Variants in TMEM135 observed in about 807,000 individuals in gnomAD.
TMEM135 encodes the protein transmembrane protein 135.
A neutral mutation model predicts 60.3 loss-of-function variants in TMEM135; 30 were observed. The ratio of observed to expected loss-of-function variants is 0.50; its 90% confidence interval spans 0.37 to 0.68. TMEM135 has a LOEUF of 0.68. TMEM135 is among the 30% of genes least tolerant of loss of function. The pLI, the probability that TMEM135 is intolerant of heterozygous loss-of-function variation, is 0.00. For synonymous variants in TMEM135, 190 were observed against 186.7 expected (o/e 1.02, Z -0.14); for missense variants, 468 against 548.8 (o/e 0.85, Z 1.47).
At chr11:87,154,404 A>G (rs979958306) in intron 4 of TMEM135, among the ~76,000 whole-genome samples, 7 of 152,220 alleles carry the variant, frequency 4.6e-5, no homozygotes, top group Non-Finnish European at 1.0e-4. Context: ...GGTTGCATCT[A>G]CATCTAGGCT....
chr11:87,157,575 G>T, intron 5 of TMEM135, 169 bp downstream of exon 5: 3 of 566,594 alleles, frequency 5.3e-6, no homozygotes, highest in African/African-American at 1.9e-5. Flanking sequence ...TCATAGTCAT[G>T]TTGGAACCAG....
In TMEM135 at chr11:87,322,475, G is replaced by T. The variant is rs1382538302; in HGVS notation, c.*1142G>T. ...CCTGCTGATAATGAGAGTAGTTCAG[G>T]ACAGCTGTGATTGAAATATGGTCGC... is the stretch of plus-strand genomic sequence containing the variant. On this transcript the variant is annotated 3_prime_UTR_variant, in exon 15 of 15. Transcript: ENST00000305494. 5 of 453,816 alleles carry T rather than the reference G, an allele frequency of 1.1e-5. No individual in the cohort carries two copies. The highest frequency in any genetic ancestry group is 2.4e-5 in the Admixed American group (1 of 42,526). The allele number at this position is 453,816 out of a possible 1,614,324, so 28.1% of individuals were successfully genotyped here. A position where few individuals can be genotyped will look rare whatever the true frequency, so the allele number is the denominator to read the frequency against.
intron 3 of TMEM135, among the ~76,000 whole-genome samples, chr11:87,076,125 G>A (rs1173322600): frequency 2.6e-5 from 4 of 152,180 alleles, no homozygotes; most frequent in Non-Finnish European, 4.4e-5. Context: ...CTTCCCTCTG[G>A]GTGACAAGTT....
intron 1 of TMEM135, among the ~76,000 whole-genome samples, chr11:87,059,643 G>C (rs1383255352): frequency 1.3e-5 from 2 of 152,142 alleles, no homozygotes; most frequent in Non-Finnish European, 2.9e-5. Context: ...TTACCAGAGA[G>C]GAAATCTCTT....
At chr11:87,264,312 CT>C (rs776136582) in intron 6 of TMEM135, among the ~76,000 whole-genome samples, 11 of 147,000 alleles carry the variant, frequency 7.5e-5, no homozygotes, top group Non-Finnish European at 1.4e-4. Context: ...TTTTTCTTTT[CT>C]TTTTTTTTGT....
rs1036031164 is a variant in TMEM135 at position 87,159,683 on chromosome 11, A to G, written c.462+2277A>G. On this transcript the variant is annotated intron_variant, in intron 5 of 14. Coordinates refer to ENST00000305494, the MANE Select transcript of TMEM135 (RefSeq NM_022918.4). ...TGGGTGCTATGATTCCTGACTTTAG[A>G]GGAGCTTACTCTCTGGTCGGGGAAA... 9.2e-5 allele frequency among the ~76,000 whole-genome samples: 14 copies of G among 151,988 alleles called. No homozygotes were observed. The East Asian group carries it at 1.9e-3, about 21-fold the overall frequency.
Position 87,099,682 on chromosome 11 carries a change from G to GTTT in TMEM135, c.396+8305_396+8307dup, listed in dbSNP as rs57019125. On this transcript the variant is annotated intron_variant, in intron 4 of 14. Coordinates refer to ENST00000305494, the MANE Select transcript of TMEM135 (RefSeq NM_022918.4). ...TATTGTGGTTACATGTTTCATGGTG[G>GTTT]TTTTTTTTTTTTTTTTTTTTGAGGC... Among the ~76,000 whole-genome samples, 65 of 109,382 alleles carry GTTT rather than the reference G, an allele frequency of 5.9e-4. 3 individuals are homozygous for GTTT. Among genetic ancestry groups the GTTT allele is most frequent in the Non-Finnish European group, 7.8e-4 (42 of 54,090 alleles). The allele number at this position is 109,382 out of a possible 152,430, so 71.8% of individuals were successfully genotyped here.
intron 5 of TMEM135, among the ~76,000 whole-genome samples, chr11:87,185,282 G>C (rs1939621729): frequency 6.6e-6 from 1 of 152,088 alleles, no homozygotes; most frequent in Non-Finnish European, 1.5e-5. Context: ...TCAGAATCCA[G>C]ATAAGATCTA....
chr11:87,319,475 A>C, intron 14 of TMEM135, 98 bp downstream of exon 14: 2 of 846,654 alleles, frequency 2.4e-6, no homozygotes, highest in South Asian at 3.1e-5. Flanking sequence ...ATATATAAAT[A>C]AAATATGAGT....
At chr11:87,058,241 AT>A (rs1221267679) in intron 1 of TMEM135, among the ~76,000 whole-genome samples, 1 of 152,238 alleles carries the variant, frequency 6.6e-6, no homozygotes, top group African/African-American at 2.4e-5. Context: ...ATGTCTAGGC[AT>A]TCCTTGGCCC....
At chr11:87,078,166 C>T (rs1025862684) in intron 3 of TMEM135, among the ~76,000 whole-genome samples, 1 of 152,184 alleles carries the variant, frequency 6.6e-6, no homozygotes, top group Non-Finnish European at 1.5e-5. Flanking sequence ...AACTGTTTAC[C>T]AAAGTGGTTG....
chr11:87,261,985 A>G (rs1377820476), intron 6 of TMEM135, among the ~76,000 whole-genome samples: 1 of 152,114 alleles, frequency 6.6e-6, no homozygotes. Flanking sequence ...TGAGATCACA[A>G]ATTATATATT....
At chr11:87,246,740 G>C (rs933181977) in intron 6 of TMEM135, among the ~76,000 whole-genome samples, 22 of 127,388 alleles carry the variant, frequency 1.7e-4, no homozygotes, top group African/African-American at 6.0e-4. Flanking sequence ...GGTTATGCTA[G>C]TTATACATTC....
At chr11:87,200,116 A>C (rs563242914) in intron 5 of TMEM135, among the ~76,000 whole-genome samples, 125 of 152,344 alleles carry the variant, frequency 8.2e-4, no homozygotes, top group Non-Finnish European at 1.4e-3. Flanking sequence ...AATTATTAGT[A>C]ATTTTCACTC....
chr11:87,169,633 C>G (rs1322712637), intron 5 of TMEM135, among the ~76,000 whole-genome samples: 3 of 152,128 alleles, frequency 2.0e-5, no homozygotes, highest in Non-Finnish European at 4.4e-5. Flanking sequence ...TTGGCCCTCA[C>G]TCTCTTCTTG....
At chr11:87,250,015 A>C (rs1309559160) in intron 6 of TMEM135, among the ~76,000 whole-genome samples, 1 of 151,996 alleles carries the variant, frequency 6.6e-6, no homozygotes, top group Non-Finnish European at 1.5e-5. Flanking sequence ...GGAATTCTTC[A>C]TGGTTCAATT....
chr11:87,096,214 C>A, intron 4 of TMEM135: 1 of 296,046 alleles, frequency 3.4e-6, no homozygotes, highest in Non-Finnish European at 6.8e-6. Flanking sequence ...ACAAATTCTT[C>A]GTCCTTATTG....
rs192499698 is a variant in TMEM135 at position 87,151,628 on chromosome 11, A to G, written c.397-5713A>G. On this transcript the variant is annotated intron_variant, in intron 4 of 14. Transcript: ENST00000305494. ...TACCTATTTCAATGTGTAATTTCCA[A>G]AAGTTAGCATCTACCTATTTCAATA... Among the ~76,000 whole-genome samples the G allele has an allele frequency of 1.4e-3, 213 of 151,394 alleles. 1 individual carries two copies. The highest frequency in any genetic ancestry group is 2.1e-3 in the Non-Finnish European group (144 of 67,856).
At chr11:87,286,325 C>A (rs7119067) in intron 6 of TMEM135, among the ~76,000 whole-genome samples, 50,212 of 147,044 alleles carry the variant, frequency 0.34, 9,661 homozygotes, top group Non-Finnish European at 0.43. Context: ...GATTAGCTAG[C>A]TACAGAGTGC....
Sources: gnomAD v4.1 joint callset for allele counts (sites outside exome capture counted in the v4.1 genomes callset) on GRCh38, gnomAD v4.1.1 for gene constraint, MANE v1.5 for transcripts, NCBI Gene and HGNC (gene_info 2026-07-23, HGNC 2026-07-21) for gene names.